BIRC6: variants seen among roughly 807,000 people sequenced by gnomAD.
BIRC6 encodes the protein baculoviral IAP repeat containing 6.
Under a neutral mutation model 503.3 loss-of-function variants are expected in BIRC6, and 98 were observed. That is an observed-to-expected ratio of 0.19 (90% CI 0.17 to 0.23). The LOEUF (loss-of-function observed/expected upper bound fraction) is 0.23. BIRC6 is among the 10% of genes least tolerant of loss of function. The pLI, the probability that BIRC6 is intolerant of heterozygous loss-of-function variation, is 1.00. For synonymous variants in BIRC6, 2,240 were observed against 2,078.7 expected (o/e 1.08, Z -2.11); for missense variants, 5,360 against 5,806.0 (o/e 0.92, Z 2.50).
Position 32,454,273 on chromosome 2 carries a change from C to T in BIRC6, c.4753+331C>T, listed in dbSNP as rs77361924. On this transcript the variant is annotated intron_variant, in intron 23 of 73. Transcript: ENST00000421745. ...AAAAATAGACTACGTGTTTCTACTACTGAATGATGTTTTTGAGAAGGTTGA... is the reference window on the plus strand; with the variant it reads ...AAAAATAGACTACGTGTTTCTACTATTGAATGATGTTTTTGAGAAGGTTGA... 3.7e-3 allele frequency among the ~76,000 whole-genome samples: 558 copies of T among 152,196 alleles called. 3 individuals are homozygous for T. Among genetic ancestry groups the T allele is most frequent in the Admixed American group, 0.023 (351 of 15,282 alleles).
chr2:32,515,438 T>C lies in BIRC6; in HGVS notation c.11017T>C (p.Cys3673Arg), dbSNP rs745311891. 5 of 1,613,002 alleles carry C rather than the reference T, an allele frequency of 3.1e-6. No homozygotes were observed. The highest frequency in any genetic ancestry group is 4.2e-6 in the Non-Finnish European group (5 of 1,179,850). ...CAGGCGCCATCATGTCCCACAACAATGTAATAAGATGCCTATCACAGCCGA... is the reference window on the plus strand; with the variant it reads ...CAGGCGCCATCATGTCCCACAACAACGTAATAAGATGCCTATCACAGCCGA... ...KLRRHHVPQQ[C>R]NKMPITADLV... is the part of the protein sequence containing the mutation. The change falls in exon 55 of 74, where the codon TGT becomes CGT. Residue 3673 changes from cysteine to arginine, a missense_variant. Cys to Arg is a radical substitution (Grantham distance 180). Around this residue, in one of 16 missense-constraint regions of BIRC6, gnomAD observed 878 missense variants for 928.9 expected, o/e 0.95. Coordinates refer to ENST00000421745, the MANE Select transcript of BIRC6 (RefSeq NM_016252.4).
At chr2:32,382,703 A>G (rs1035965146) in intron 3 of BIRC6, among the ~76,000 whole-genome samples, 8 of 152,174 alleles carry the variant, frequency 5.3e-5, no homozygotes, top group Non-Finnish European at 1.0e-4. Context: ...TCATATAACA[A>G]AACTATTATG....
chr2:32,446,921 C>T (rs1168876465), intron 21 of BIRC6, among the ~76,000 whole-genome samples: 2 of 119,796 alleles, frequency 1.7e-5, no homozygotes, highest in Non-Finnish European at 3.5e-5. Flanking sequence ...GTTTGTGTCC[C>T]TGGGTACTTA....
In BIRC6 at chr2:32,499,856, T is replaced by C; in HGVS notation, c.8778T>C (p.Val2926=). ...TCATGTTTGATTTGTTAAAACTTGTTAACATTTTAGTGCAGCTGCCTCTTT... is the reference window on the plus strand; with the variant it reads ...TCATGTTTGATTTGTTAAAACTTGTCAACATTTTAGTGCAGCTGCCTCTTT... ...DQLMFDLLKL[V]NILVQLPLSG... The change falls in exon 46 of 74, where the codon GTT becomes GTC. Residue 2926 remains valine, a synonymous_variant. Transcript: ENST00000421745. The C allele has an allele frequency of 1.2e-6, 2 of 1,614,042 alleles. No homozygotes were observed. Among genetic ancestry groups the C allele is most frequent in the Non-Finnish European group, 1.7e-6 (2 of 1,179,900 alleles).
chr2:32,382,678 T>G (rs1177313269), intron 3 of BIRC6, among the ~76,000 whole-genome samples: 2 of 152,240 alleles, frequency 1.3e-5, no homozygotes, highest in Admixed American at 6.5e-5. Flanking sequence ...ATTCACACTT[T>G]ATATATTTGA....
At chr2:32,476,434 C>A in intron 34 of BIRC6, 90 bp downstream of exon 34, 1 of 1,362,418 alleles carries the variant, frequency 7.3e-7, no homozygotes, top group Non-Finnish European at 9.8e-7. Flanking sequence ...ATATACATTA[C>A]TCTGCTTAAC....
chr2:32,528,825 A>G (rs1462819332), intron 59 of BIRC6: 3 of 152,130 alleles, frequency 2.0e-5, no homozygotes, highest in Non-Finnish European at 4.4e-5. Context: ...GTATAAAATT[A>G]CCTTAAGGCT....
In BIRC6 at chr2:32,389,377, G is replaced by GA. The variant is rs551799404; in HGVS notation, c.839+447dup. 2.7e-3 allele frequency among the ~76,000 whole-genome samples: 362 copies of GA among 131,790 alleles called. 5 individuals are homozygous for GA. Among genetic ancestry groups the GA allele is most frequent in the Middle Eastern group, 0.016 (4 of 254 alleles). The allele number at this position is 131,790 out of a possible 152,430, so 86.5% of individuals were successfully genotyped here. Reference sequence around the variant, plus strand: ...AAGGAAAGTGCTATCATTTTATAATGAAAAAAAAAAAAAGACCAGTTTAAA... The same window carrying GA: ...AAGGAAAGTGCTATCATTTTATAATGAAAAAAAAAAAAAAGACCAGTTTAAA... On this transcript the variant is annotated intron_variant, in intron 4 of 73. Coordinates refer to ENST00000421745, the MANE Select transcript of BIRC6 (RefSeq NM_016252.4).
chr2:32,594,163 A>G (rs558622164), intron 67 of BIRC6, 103 bp downstream of exon 67: 83 of 1,315,132 alleles, frequency 6.3e-5, no homozygotes, highest in Admixed American at 8.7e-5. Flanking sequence ...TAATGATTTT[A>G]AAGCAAGTTC....
At chr2:32,589,390 T>A (rs2151317728) in intron 66 of BIRC6, among the ~76,000 whole-genome samples, 1 of 152,278 alleles carries the variant, frequency 6.6e-6, no homozygotes, top group Non-Finnish European at 1.5e-5. Flanking sequence ...ACCTAAGCAA[T>A]GGGAGATCAC....
chr2:32,471,199 C>T (rs572744277), intron 32 of BIRC6, 75 bp downstream of exon 32: 329 of 1,523,700 alleles, frequency 2.2e-4, no homozygotes, highest in Admixed American at 7.8e-4. Flanking sequence ...TGAGTGACTT[C>T]GCAGTTGTTC....
At chr2:32,473,769 T>C (rs1402157202) in intron 33 of BIRC6, among the ~76,000 whole-genome samples, 2 of 146,116 alleles carry the variant, frequency 1.4e-5, no homozygotes, top group African/African-American at 5.1e-5. Flanking sequence ...TTTTTTTTTT[T>C]TGAGACAGGG....
chr2:32,425,549 ATCTTAT>A, intron 10 of BIRC6, among the ~76,000 whole-genome samples: 1 of 151,800 alleles, frequency 6.6e-6, no homozygotes, highest in East Asian at 1.9e-4. Flanking sequence ...ACCTCTAGAA[ATCTTAT>A]TCTCTCACTC....
intron 23 of BIRC6, among the ~76,000 whole-genome samples, chr2:32,454,479 AT>A (rs11441657): frequency 6.0e-5 from 9 of 150,380 alleles, no homozygotes; most frequent in East Asian, 3.9e-4. Context: ...GTTTTCTGTG[AT>A]TTTTTTTTTC....
At position 32,469,585 on chromosome 2, in the gene BIRC6, G is replaced by C. The variant is rs111964960; in HGVS notation, c.6318G>C (p.Ser2106=). The C allele has an allele frequency of 6.2e-6, 10 of 1,613,450 alleles. No individual in the cohort carries two copies. Among genetic ancestry groups the C allele is most frequent in the Admixed American group, 3.3e-5 (2 of 59,984 alleles). Reference sequence around the variant, plus strand: ...ATGTCCTTCAGGAATTGTACAATTCGGAACAGCTTCTCATCTTTCCACAGG... The same window carrying C: ...ATGTCCTTCAGGAATTGTACAATTCCGAACAGCTTCTCATCTTTCCACAGG... ...LSNVLQELYN[S]EQLLIFPQDR... Residue 2106 remains serine (S), a synonymous_variant, in exon 30 of 74, where the codon TCG becomes TCC. Coordinates refer to ENST00000421745, the MANE Select transcript of BIRC6 (RefSeq NM_016252.4).
chr2:32,491,118 A>T (rs1572587832), intron 43 of BIRC6, among the ~76,000 whole-genome samples: 1 of 152,104 alleles, frequency 6.6e-6, no homozygotes, highest in Non-Finnish European at 1.5e-5. Flanking sequence ...TGGAAGGGGG[A>T]GTTAGTTAGA....
At chr2:32,427,372 T>G (rs1399870913) in intron 10 of BIRC6, among the ~76,000 whole-genome samples, 1 of 152,042 alleles carries the variant, frequency 6.6e-6, no homozygotes, top group African/African-American at 2.4e-5. Flanking sequence ...AACCTCTGCC[T>G]CCCGGGTTCA....
chr2:32,421,453 T>A (rs1217901832), intron 10 of BIRC6, among the ~76,000 whole-genome samples: 1 of 152,202 alleles, frequency 6.6e-6, no homozygotes, highest in Admixed American at 6.5e-5. Context: ...TGTTTTCTAA[T>A]ATAGGAAATT....
intron 10 of BIRC6, among the ~76,000 whole-genome samples, chr2:32,420,768 T>A (rs1207761505): frequency 6.6e-6 from 1 of 152,158 alleles, no homozygotes; most frequent in Non-Finnish European, 1.5e-5. Context: ...TGCATTGGCC[T>A]CCTAAAGTGC....
Sources: gnomAD v4.1 joint callset for allele counts (sites outside exome capture counted in the v4.1 genomes callset) on GRCh38, gnomAD v4.1.1 for gene constraint, gnomAD v4.1.1 regional missense constraint, MANE v1.5 for transcripts, NCBI Gene and HGNC (gene_info 2026-07-23, HGNC 2026-07-21) for gene names.